The following PTPRD variants were observed in gnomAD, a reference collection of about 807,000 sequenced individuals.
PTPRD encodes the protein protein tyrosine phosphatase receptor type D.
Under a neutral mutation model 214.5 loss-of-function variants are expected in PTPRD, and 34 were observed. The ratio of observed to expected loss-of-function variants is 0.16; its 90% CI spans 0.12 to 0.21. PTPRD has a LOEUF of 0.21. Ranked by LOEUF, PTPRD falls within the 10% of genes least tolerant of loss-of-function variation. PTPRD has a pLI of 1.00. For missense variants in PTPRD, 2,545 were observed against 2,398.7 expected (o/e 1.06, Z -1.27); for synonymous variants, 1,128 against 845.7 (o/e 1.33, Z -5.79).
intron 8 of PTPRD, among the ~76,000 whole-genome samples, chr9:9,467,234 T>TTTTTTTTTTTTTC (rs1569568586): frequency 8.1e-6 from 1 of 123,052 alleles, no homozygotes; most frequent in Non-Finnish European, 1.7e-5. Context: ...TTTTTTTTTT[T>TTTTTTTTTTTTTC]TTTAACCTAA....
chr9:9,395,926 T>C (rs1021444494), intron 9 of PTPRD, among the ~76,000 whole-genome samples: 1 of 152,116 alleles, frequency 6.6e-6, no homozygotes, highest in African/African-American at 2.4e-5. Context: ...AGTGATATGA[T>C]TGCCTTTGAA....
At chr9:8,849,208 C>T (rs1444933644) in intron 11 of PTPRD, among the ~76,000 whole-genome samples, 4 of 136,826 alleles carry the variant, frequency 2.9e-5, no homozygotes, top group Non-Finnish European at 4.6e-5. Context: ...CGGAGTCTCG[C>T]TTTGTCCCCC....
intron 3 of PTPRD, among the ~76,000 whole-genome samples, chr9:10,190,416 A>AAAAAC (rs1564422191): frequency 4.2e-4 from 39 of 92,768 alleles, no homozygotes; most frequent in African/African-American, 2.2e-3. Flanking sequence ...AAAAAAAAAA[A>AAAAAC]AAAACAAAAA....
intron 3 of PTPRD, among the ~76,000 whole-genome samples, chr9:10,048,043 C>T (rs766695585): frequency 6.6e-6 from 1 of 152,170 alleles, no homozygotes; most frequent in South Asian, 2.1e-4. Context: ...GAGTTGTATG[C>T]TAGCTCTGCT....
At chr9:8,920,650 C>T (rs2154269349) in intron 11 of PTPRD, among the ~76,000 whole-genome samples, 1 of 152,300 alleles carries the variant, frequency 6.6e-6, no homozygotes, top group African/African-American at 2.4e-5. Flanking sequence ...TGTTGGGCCA[C>T]ATTCAAAGCC....
chr9:8,937,244 A>G (rs2099003977), intron 11 of PTPRD, among the ~76,000 whole-genome samples: 1 of 152,204 alleles, frequency 6.6e-6, no homozygotes, highest in Non-Finnish European at 1.5e-5. Flanking sequence ...GCATGAAAAT[A>G]TAGATAAGAC....
intron 8 of PTPRD, among the ~76,000 whole-genome samples, chr9:9,513,825 G>C (rs1590330520): frequency 2.0e-5 from 3 of 152,062 alleles, no homozygotes; most frequent in African/African-American, 7.2e-5. Flanking sequence ...TGTTTATTAG[G>C]AATCAAATAT....
At chr9:8,910,118 A>G (rs951670656) in intron 11 of PTPRD, among the ~76,000 whole-genome samples, 2 of 151,920 alleles carry the variant, frequency 1.3e-5, no homozygotes, top group African/African-American at 4.8e-5. Flanking sequence ...GGCTCACTGC[A>G]AGCTCTGCCA....
intron 4 of PTPRD, among the ~76,000 whole-genome samples, chr9:9,964,103 G>GACAA (rs2094534530): frequency 3.4e-5 from 3 of 87,100 alleles, no homozygotes; most frequent in Non-Finnish European, 5.3e-5. Flanking sequence ...GACAAAGACA[G>GACAA]AGACAGAGAG....
chr9:8,947,982 A>G (rs1282797966), intron 11 of PTPRD, among the ~76,000 whole-genome samples: 1 of 149,566 alleles, frequency 6.7e-6, no homozygotes, highest in Admixed American at 6.7e-5. Flanking sequence ...CTAGTAAGTT[A>G]TGTCCAGACC....
intron 35 of PTPRD, among the ~76,000 whole-genome samples, chr9:8,432,778 A>C (rs1284699706): frequency 2.6e-5 from 4 of 152,308 alleles, no homozygotes; most frequent in Admixed American, 2.6e-4. Flanking sequence ...CATCTCCTTC[A>C]TGCCGGTTAA....
rs948293485 is a variant in PTPRD at position 8,906,939 on chromosome 9, G to C, written c.-104+111758C>G. The stretch of plus-strand genomic sequence containing the variant: ...CCAAACTTTCCATCCATCACTGATT[G>C]CCTGGAAAGCTGTGCATATGCAAGG... On this transcript the variant is annotated intron_variant, in intron 11 of 45. Coordinates refer to ENST00000381196, the MANE Select transcript of PTPRD (RefSeq NM_002839.4). 1.8e-4 allele frequency among the ~76,000 whole-genome samples: 27 copies of C among 152,100 alleles called. 1 individual carries two copies. Among genetic ancestry groups the C allele is most frequent in the African/African-American group, 6.3e-4 (26 of 41,406 alleles).
At chr9:9,882,443 G>T (rs1014275989) in intron 5 of PTPRD, among the ~76,000 whole-genome samples, 2 of 152,012 alleles carry the variant, frequency 1.3e-5, no homozygotes, top group Non-Finnish European at 2.9e-5. Context: ...GAAATAAGTA[G>T]TCCCACCATT....
intron 5 of PTPRD, among the ~76,000 whole-genome samples, chr9:9,787,554 G>A (rs2098934326): frequency 6.6e-6 from 1 of 151,668 alleles, no homozygotes; most frequent in African/African-American, 2.4e-5. Context: ...AGCAAAGGAA[G>A]GGTAAAATAA....
chr9:8,720,275 G>T (rs979061178), intron 12 of PTPRD, among the ~76,000 whole-genome samples: 7 of 152,180 alleles, frequency 4.6e-5, no homozygotes, highest in Non-Finnish European at 8.8e-5. Context: ...CCCTTCAGCA[G>T]GGCAGTTGAG....
At chr9:9,255,222 T>C (rs901848094) in intron 9 of PTPRD, among the ~76,000 whole-genome samples, 15 of 152,096 alleles carry the variant, frequency 9.9e-5, no homozygotes, top group African/African-American at 3.4e-4. Flanking sequence ...AAAATATGTT[T>C]GCTTTGATTG....
chr9:9,685,505 C>T lies in PTPRD; in HGVS notation c.-287+49028G>A, dbSNP rs17677237. Among the ~76,000 whole-genome samples, 53 of 150,836 alleles carry T rather than the reference C, an allele frequency of 3.5e-4. 1 individual carries two copies. The East Asian group carries it at 8.6e-3, about 24-fold the overall frequency. On this transcript the variant is annotated intron_variant, in intron 7 of 45. Transcript: ENST00000381196. ...TTTCAAGTGTCTAACTTTTGTGTTC[C>T]TTTAGATATATATTTGAACTTAATT...
intron 11 of PTPRD, among the ~76,000 whole-genome samples, chr9:8,974,959 T>C (rs910277694): frequency 6.6e-6 from 1 of 151,578 alleles, no homozygotes; most frequent in Non-Finnish European, 1.5e-5. Flanking sequence ...TACCTAGGTG[T>C]GGTGGCGGGT....
chr9:10,144,987 A>G (rs574369206), intron 3 of PTPRD, among the ~76,000 whole-genome samples: 15 of 152,258 alleles, frequency 9.9e-5, no homozygotes, highest in African/African-American at 3.6e-4. Context: ...AACTGAAAAA[A>G]TATAAAGTCT....
Sources: gnomAD v4.1 joint callset for allele counts (sites outside exome capture counted in the v4.1 genomes callset) on GRCh38, gnomAD v4.1.1 for gene constraint, MANE v1.5 for transcripts, NCBI Gene and HGNC (gene_info 2026-07-23, HGNC 2026-07-21) for gene names.